MYBPHL: variants seen among roughly 807,000 people sequenced by gnomAD.
MYBPHL encodes the protein myosin binding protein H like.
Under a neutral mutation model 39.5 loss-of-function variants are expected in MYBPHL, and 32 were observed. The observed-to-expected ratio is 0.81, with a 90% confidence interval of 0.61 to 1.09. The LOEUF (loss-of-function observed/expected upper bound fraction) is 1.09. Ranked by LOEUF, MYBPHL falls within the 50% of genes least tolerant of loss-of-function variation. The pLI is 0.00. For missense variants in MYBPHL, 456 were observed against 460.2 expected, an observed-to-expected ratio of 0.99 and a Z score of 0.08; for synonymous variants, 196 against 183.7, an observed-to-expected ratio of 1.07 and a Z score of -0.54.
intron 7 of MYBPHL, among the ~76,000 whole-genome samples, chr1:109,294,484 G>A (rs1657983575): frequency 6.6e-6 from 1 of 152,010 alleles, no homozygotes; most frequent in Admixed American, 6.6e-5. Context: ...ACACTGGGGG[G>A]ACAAAGGCAA....
At chr1:109,299,191 A>T (rs1232736315) in intron 1 of MYBPHL, among the ~76,000 whole-genome samples, 1 of 152,164 alleles carries the variant, frequency 6.6e-6, no homozygotes, top group Non-Finnish European at 1.5e-5. Flanking sequence ...TCTCAGGCAC[A>T]GGCAGTCGCC....
chr1:109,305,115 AG>A (rs1216065129), intron 1 of MYBPHL, among the ~76,000 whole-genome samples: 2 of 151,990 alleles, frequency 1.3e-5, no homozygotes, highest in African/African-American at 4.8e-5. Context: ...GTATTTTTCC[AG>A]GGGCAAGAGT....
At chr1:109,295,410 G>C (rs1658026728) in intron 6 of MYBPHL, 113 bp from the exon 7 acceptor site, 2 of 956,142 alleles carry the variant, frequency 2.1e-6, no homozygotes, top group Admixed American at 2.6e-5. Context: ...CTTTCTGGAA[G>C]GCTCCCTGTT....
At position 109,297,527 on chromosome 1, in the gene MYBPHL, T is replaced by C; in HGVS notation, c.325A>G (p.Ile109Val). ...CGTTGGGCTTCTCGGATGAAGAGGA[T>C]GGAGTCTTGCTCCCCATTCCGCACA... Reference protein sequence around the residue: ...VSVRNGEQDSILFIREAQRAD... With the variant: ...VSVRNGEQDSVLFIREAQRAD... The change falls in exon 3 of 9, where the codon ATC becomes GTC. Residue 109 changes from isoleucine to valine, a missense_variant. Physicochemically the swap from Ile to Val is conservative, Grantham distance 29 (BLOSUM62 3). Coordinates refer to ENST00000357155, the MANE Select transcript of MYBPHL (RefSeq NM_001010985.3). 1.9e-6 allele frequency: 3 copies of C among 1,613,844 alleles called. No homozygotes were observed. Among genetic ancestry groups the C allele is most frequent in the Non-Finnish European group, 2.5e-6 (3 of 1,180,026 alleles).
At chr1:109,302,361 C>T (rs754210453) in intron 1 of MYBPHL, among the ~76,000 whole-genome samples, 2 of 152,122 alleles carry the variant, frequency 1.3e-5, no homozygotes, top group Non-Finnish European at 2.9e-5. Flanking sequence ...AGAAACCTGT[C>T]TGGAGGAGTG....
chr1:109,294,512 C>T (rs1177995857), intron 7 of MYBPHL, among the ~76,000 whole-genome samples: 1 of 151,970 alleles, frequency 6.6e-6, no homozygotes, highest in East Asian at 1.9e-4. Flanking sequence ...AATGTCCCTA[C>T]CCTCAAAATG....
At chr1:109,293,334 A>AT (rs1657930794) in intron 8 of MYBPHL, among the ~76,000 whole-genome samples, 1 of 152,218 alleles carries the variant, frequency 6.6e-6, no homozygotes, top group Non-Finnish European at 1.5e-5. Context: ...AGGACCATTC[A>AT]TTAGGTTTAA....
chr1:109,294,444 G>A (rs1570843786), intron 7 of MYBPHL, among the ~76,000 whole-genome samples, 195 bp from the exon 8 acceptor site: 1 of 152,170 alleles, frequency 6.6e-6, no homozygotes, highest in Non-Finnish European at 1.5e-5. Context: ...AACATTTAGA[G>A]TGCCTACTGT....
At chr1:109,306,658 T>C (rs541221883) in intron 1 of MYBPHL, among the ~76,000 whole-genome samples, 189 bp downstream of exon 1, 1 of 152,322 alleles carries the variant, frequency 6.6e-6, no homozygotes, top group East Asian at 1.9e-4. Flanking sequence ...GCAGGGACAT[T>C]TGAGCAGCAA....
rs1658155314 is a variant in MYBPHL, at chr1:109,298,202, A to C, written c.201T>G (p.Val67=). 6.2e-7 allele frequency: 1 copy of C among 1,610,226 alleles called. No individual in the cohort carries two copies. Among genetic ancestry groups the C allele is most frequent in the South Asian group, 1.1e-5 (1 of 90,302 alleles). The change falls in exon 2 of 9, where the codon GTT becomes GTG. Residue 67 remains valine (V), a synonymous_variant. Transcript: ENST00000357155. ...RALRQTYIRK[V]GDTVNLLIPF... is the part of the protein sequence containing the mutation. ...GGATTAGTAGGTTCACTGTGTCCCC[A>C]ACCTTCCGGATGTAGGTCTGCCTCA... is the stretch of plus-strand genomic sequence containing the variant.
At chr1:109,300,434 G>T (rs1159215694) in intron 1 of MYBPHL, among the ~76,000 whole-genome samples, 2 of 152,230 alleles carry the variant, frequency 1.3e-5, no homozygotes, top group African/African-American at 4.8e-5. Flanking sequence ...ACTGCAAAGG[G>T]TTGAGGTGGG....
At chr1:109,303,801 T>C (rs945193367) in intron 1 of MYBPHL, among the ~76,000 whole-genome samples, 5 of 152,138 alleles carry the variant, frequency 3.3e-5, no homozygotes, top group African/African-American at 1.2e-4. Context: ...CAAACCAAAG[T>C]CTTCACAGCG....
rs764867005 is a variant in MYBPHL at position 109,296,323 on chromosome 1, C to T, written c.778G>A (p.Ala260Thr). The change falls in exon 6 of 9, where the codon GCC becomes ACC. Residue 260 changes from alanine to threonine, a missense_variant. Transcript: ENST00000357155. The part of the protein sequence containing the change: ...KGFAQRDFSE[A>T]PKFTQPLADC... ...GCCAGAGGCTGGGTAAACTTTGGGG[C>T]TTCAGAGAAGTCTCGTTGGGCAAAC... is the stretch of plus-strand genomic sequence containing the variant. 3.0e-5 allele frequency: 48 copies of T among 1,614,018 alleles called. No individual in the cohort carries two copies. In the Admixed American group the frequency reaches 7.8e-4, roughly 26 times the overall value.
intron 8 of MYBPHL, among the ~76,000 whole-genome samples, chr1:109,293,676 C>A (rs1422917022): frequency 6.6e-6 from 1 of 151,406 alleles, no homozygotes; most frequent in South Asian, 2.1e-4. Context: ...GCAGGCAGAG[C>A]TTGCAGTGAG....
At chr1:109,293,820 T>C (rs1657953385) in intron 8 of MYBPHL, among the ~76,000 whole-genome samples, 1 of 151,902 alleles carries the variant, frequency 6.6e-6, no homozygotes, top group South Asian at 2.1e-4. Flanking sequence ...TCCCAGCACT[T>C]TGGGAGGCCG....
chr1:109,294,801 A>C (rs57607242), intron 7 of MYBPHL, among the ~76,000 whole-genome samples: 12,949 of 152,246 alleles, frequency 0.085, 682 homozygotes, highest in African/African-American at 0.15. Context: ...TATTTCCACC[A>C]GTGCCAGGTG....
intron 1 of MYBPHL, among the ~76,000 whole-genome samples, chr1:109,301,153 C>T (rs11583969): frequency 0.072 from 10,914 of 152,204 alleles, 472 homozygotes; most frequent in African/African-American, 0.11. Context: ...CGCAGTCAAG[C>T]GAGGTGTAAA....
chr1:109,296,727 C>T, intron 5 of MYBPHL, 56 bp downstream of exon 5: 1 of 1,604,336 alleles, frequency 6.2e-7, no homozygotes, highest in Non-Finnish European at 8.5e-7. Context: ...GCGTGAGCCA[C>T]TGTGCCCGGC....
In MYBPHL at chr1:109,297,116, C is replaced by T. The variant is rs3850615; in HGVS notation, c.504G>A (p.Pro168=). ...WGFSATLEWT[P]PQDTGNTALL... ...GTGCTGTATTCCCCGTATCTTGGGG[C>T]GGTGTCCATTCCAGTGTAGCGCTGA... Residue 168 remains proline, a synonymous_variant, in exon 4 of 9, where the codon CCG becomes CCA. Transcript: ENST00000357155. 1.3e-4 allele frequency: 213 copies of T among 1,614,036 alleles called. 1 individual carries two copies. In the Admixed American group the frequency reaches 1.6e-3, roughly 12 times the overall value.
Sources: allele counts gnomAD v4.1 joint callset (sites outside exome capture counted in the v4.1 genomes callset), GRCh38; gene constraint gnomAD v4.1.1; transcripts MANE v1.5; gene names NCBI Gene and HGNC (gene_info 2026-07-23, HGNC 2026-07-21).